Variants in PRIM2 observed in about 807,000 individuals in gnomAD.
PRIM2 encodes the protein DNA primase subunit 2, also known as DNA primase large subunit.
PRIM2 carries 39 observed loss-of-function variants against 67.3 expected under a neutral mutation model. The observed-to-expected ratio is 0.58, with a 90% CI of 0.45 to 0.76. The LOEUF (loss-of-function observed/expected upper bound fraction) is 0.76, where lower values mean the gene tolerates loss of function less well. Ranked by LOEUF, PRIM2 falls within the 30% of genes least tolerant of loss-of-function variation. The probability of loss-of-function intolerance (pLI) is 0.00; values close to 1 mark genes in which losing one functional copy is unlikely to be tolerated. For missense variants in PRIM2, 398 were observed against 598.7 expected (o/e 0.66, Z 3.50); for synonymous variants, 143 against 198.7 (o/e 0.72, Z 2.36).
chr6:57,457,484 A>G (rs1772839569), intron 7 of PRIM2, among the ~76,000 whole-genome samples: 1 of 152,122 alleles, frequency 6.6e-6, no homozygotes, highest in South Asian at 2.1e-4. Context: ...AGCCTTGGCA[A>G]TGGCGGGCAC....
rs34311453 is a variant in PRIM2 at position 57,465,021 on chromosome 6, A to G, written c.694-42366A>G. Among the ~76,000 whole-genome samples, 3 of 152,190 alleles carry G rather than the reference A, an allele frequency of 2.0e-5. 1 individual carries two copies. In the South Asian group the frequency reaches 6.2e-4, roughly 32 times the overall value. The stretch of plus-strand genomic sequence containing the variant: ...CTATGTCTTTATAGTTGGGATTATT[A>G]TAGGAAAAAGTCAGGAGCTTGCTGT... On this transcript the variant is annotated intron_variant, in intron 7 of 13. Coordinates refer to ENST00000615550, the MANE Select transcript of PRIM2 (RefSeq NM_000947.5).
intron 5 of PRIM2, among the ~76,000 whole-genome samples, chr6:57,362,636 T>C (rs956057525): frequency 1.3e-5 from 2 of 152,200 alleles, no homozygotes; most frequent in African/African-American, 4.8e-5. Flanking sequence ...TGAACAGTTT[T>C]CTACTGGGCT....
intron 10 of PRIM2, among the ~76,000 whole-genome samples, chr6:57,549,585 T>C (rs1442448731): frequency 2.0e-5 from 3 of 152,108 alleles, no homozygotes; most frequent in Non-Finnish European, 2.9e-5. Context: ...TAATCTATAA[T>C]GTACTAAAGA....
the PRIM2 span, among the ~76,000 whole-genome samples, chr6:57,274,561 A>C: frequency 6.6e-6 from 1 of 152,016 alleles, no homozygotes; most frequent in Non-Finnish European, 1.5e-5. Flanking sequence ...GAATTCCCTG[A>C]CCCTTTGCGC....
chr6:57,477,609 G>A (rs2127404411), intron 7 of PRIM2, among the ~76,000 whole-genome samples: 1 of 152,186 alleles, frequency 6.6e-6, no homozygotes, highest in East Asian at 1.9e-4. Context: ...ATTCACATAT[G>A]TCTTAGCTAA....
intron 13 of PRIM2, among the ~76,000 whole-genome samples, chr6:57,641,556 C>G (rs1220564235): frequency 3.9e-5 from 6 of 152,126 alleles, no homozygotes; most frequent in Non-Finnish European, 7.3e-5. Flanking sequence ...ACAATCCCAT[C>G]AAAAAGTGGG....
chr6:57,557,089 A>G (rs1775527419), intron 10 of PRIM2, among the ~76,000 whole-genome samples: 2 of 132,568 alleles, frequency 1.5e-5, no homozygotes, highest in Admixed American at 8.0e-5. Context: ...ATCTCATACC[A>G]GTCAGAATGG....
chr6:57,271,069 G>A, the PRIM2 span, among the ~76,000 whole-genome samples: 12 of 152,126 alleles, frequency 7.9e-5, no homozygotes, highest in Admixed American at 2.0e-4. Context: ...TGTTCATCAG[G>A]GATATCGGTC....
chr6:57,537,126 C>G, intron 9 of PRIM2, among the ~76,000 whole-genome samples: 1 of 151,892 alleles, frequency 6.6e-6, no homozygotes, highest in East Asian at 1.9e-4. Context: ...TTTCTTGTAA[C>G]TGTATGGGAG....
chr6:57,642,433 A>ATATTTTTTTTTT (rs1777256008), intron 13 of PRIM2, among the ~76,000 whole-genome samples: 1 of 107,058 alleles, frequency 9.3e-6, no homozygotes, highest in Admixed American at 1.1e-4. Flanking sequence ...TAAATATTAT[A>ATATTTTTTTTTT]TCTTTTTTTT....
chr6:57,416,579 A>G (rs1291885885), intron 7 of PRIM2, among the ~76,000 whole-genome samples: 3 of 152,206 alleles, frequency 2.0e-5, no homozygotes, highest in African/African-American at 7.2e-5. Context: ...TAGCTATGAA[A>G]GTCCTATATG....
At chr6:57,222,054 G>C in the PRIM2 span, 1 of 152,472 alleles carries the variant, frequency 6.6e-6, no homozygotes, top group Non-Finnish European at 1.5e-5. Context: ...CCGCCGCCCG[G>C]CGCCACCGGC....
intron 10 of PRIM2, among the ~76,000 whole-genome samples, chr6:57,590,332 A>G (rs2127488191): frequency 6.6e-6 from 1 of 152,346 alleles, no homozygotes; most frequent in African/African-American, 2.4e-5. Flanking sequence ...AAAGAAAAAT[A>G]AGAGATAGTA....
chr6:57,304,049 T>G, the PRIM2 span, among the ~76,000 whole-genome samples: 9 of 152,214 alleles, frequency 5.9e-5, no homozygotes, highest in Non-Finnish European at 1.0e-4. Context: ...CAGCTAGCTA[T>G]CTATGCTTAC....
chr6:57,563,511 G>A (rs1410055866), intron 10 of PRIM2, among the ~76,000 whole-genome samples: 15 of 152,144 alleles, frequency 9.9e-5, no homozygotes, highest in African/African-American at 2.9e-4. Context: ...ATAAGGTTAC[G>A]TACTGATATT....
Position 57,517,717 on chromosome 6 carries a change from G to T in PRIM2, c.761+10263G>T, listed in dbSNP as rs1436431924. Among the ~76,000 whole-genome samples the T allele has an allele frequency of 9.0e-4, 137 of 152,286 alleles. 1 individual carries two copies. Among genetic ancestry groups the T allele is most frequent in the African/African-American group, 3.1e-3 (130 of 41,556 alleles). The stretch of plus-strand genomic sequence containing the variant: ...CTGGAAAAGCTATATGTATGGAGCT[G>T]TTATAAGCAATTGTGGTCACTGAGG... On this transcript the variant is annotated intron_variant, in intron 8 of 13. Coordinates refer to ENST00000615550, the MANE Select transcript of PRIM2 (RefSeq NM_000947.5).
intron 7 of PRIM2, among the ~76,000 whole-genome samples, chr6:57,470,563 G>C (rs1411525736): frequency 2.0e-5 from 3 of 150,616 alleles, no homozygotes; most frequent in Non-Finnish European, 2.9e-5. Flanking sequence ...AATGTGTAGA[G>C]AGAACTGTCA....
At chr6:57,376,931 G>A (rs1173526389) in intron 5 of PRIM2, among the ~76,000 whole-genome samples, 14 of 152,098 alleles carry the variant, frequency 9.2e-5, no homozygotes, top group African/African-American at 3.4e-4. Flanking sequence ...AGGCTGGAGT[G>A]CAGTGGCACA....
the PRIM2 span, among the ~76,000 whole-genome samples, chr6:57,279,584 A>C: frequency 6.6e-6 from 1 of 152,168 alleles, no homozygotes; most frequent in Non-Finnish European, 1.5e-5. Context: ...TTCTCTTTGC[A>C]TCTAGGGATG....
Sources: gnomAD v4.1 joint callset for allele counts (sites outside exome capture counted in the v4.1 genomes callset) on GRCh38, gnomAD v4.1.1 for gene constraint, MANE v1.5 for transcripts, NCBI Gene and HGNC (gene_info 2026-07-23, HGNC 2026-07-21) for gene names.